The following CNTN4 variants were observed in gnomAD, a reference collection of about 807,000 sequenced individuals.
CNTN4 encodes contactin 4.
In CNTN4, 77 loss-of-function variants were observed where a neutral mutation model predicts 122.5. That is an observed-to-expected ratio of 0.63 (90% CI 0.52 to 0.76). The LOEUF (loss-of-function observed/expected upper bound fraction) is 0.76, where lower values mean the gene tolerates loss of function less well. Among genes scored for constraint, CNTN4 ranks in the 30% least tolerant of loss-of-function variants. The pLI is 0.00. For synonymous variants in CNTN4, 512 were observed against 447.0 expected (o/e 1.15, Z -1.83); for missense variants, 1,256 against 1,259.1 (o/e 1.00, Z 0.04).
chr3:2,183,561 T>G (rs1424684855), intron 2 of CNTN4, among the ~76,000 whole-genome samples: 1 of 152,168 alleles, frequency 6.6e-6, no homozygotes, highest in African/African-American at 2.4e-5. Context: ...ATAAGTAGAT[T>G]CATTGTTTAT....
chr3:2,679,710 C>T (rs1052391989), intron 4 of CNTN4, among the ~76,000 whole-genome samples: 23 of 152,150 alleles, frequency 1.5e-4, no homozygotes, highest in African/African-American at 7.2e-5. Flanking sequence ...GTTCCTTCTA[C>T]CCAATCTTTC....
intron 4 of CNTN4, among the ~76,000 whole-genome samples, chr3:2,639,459 T>C (rs2150104913): frequency 6.6e-6 from 1 of 152,312 alleles, no homozygotes; most frequent in East Asian, 1.9e-4. Flanking sequence ...ACCTATTTCC[T>C]ACTGCATCTT....
chr3:2,327,438 A>T (rs921802570), intron 2 of CNTN4, among the ~76,000 whole-genome samples: 1 of 152,184 alleles, frequency 6.6e-6, no homozygotes, highest in African/African-American at 2.4e-5. Context: ...TTGTAAACAC[A>T]TATGGATCTT....
intron 6 of CNTN4, among the ~76,000 whole-genome samples, chr3:2,816,848 T>C (rs143704636): frequency 0.064 from 8,764 of 137,716 alleles, 919 homozygotes; most frequent in African/African-American, 0.21. Flanking sequence ...AAAAAGAACT[T>C]ACCCATGTAA....
At chr3:2,928,905 T>C (rs2094496224) in intron 13 of CNTN4, among the ~76,000 whole-genome samples, 1 of 152,230 alleles carries the variant, frequency 6.6e-6, no homozygotes, top group South Asian at 2.1e-4. Context: ...GGATATAGAT[T>C]CAGAAACACT....
At chr3:2,200,554 A>G (rs1304399664) in intron 2 of CNTN4, among the ~76,000 whole-genome samples, 1 of 152,220 alleles carries the variant, frequency 6.6e-6, no homozygotes, top group Admixed American at 6.5e-5. Context: ...CCCCTTCAAC[A>G]AAGAATGATC....
chr3:2,542,888 T>G (rs1368529411), intron 3 of CNTN4, among the ~76,000 whole-genome samples: 1 of 152,234 alleles, frequency 6.6e-6, no homozygotes, highest in East Asian at 1.9e-4. Flanking sequence ...AGAAAACAAC[T>G]GATCATGCTT....
intron 3 of CNTN4, among the ~76,000 whole-genome samples, chr3:2,390,248 G>A (rs779608255): frequency 6.6e-6 from 1 of 151,122 alleles, no homozygotes; most frequent in Non-Finnish European, 1.5e-5. Flanking sequence ...GTGTGTGTGT[G>A]TGTACAGAGG....
intron 3 of CNTN4, among the ~76,000 whole-genome samples, chr3:2,499,002 C>G (rs1179856697): frequency 6.6e-6 from 1 of 152,078 alleles, no homozygotes; most frequent in Admixed American, 6.5e-5. Flanking sequence ...GTTGGCCAGG[C>G]TGATCTCGAA....
chr3:2,310,763 A>T (rs2042885381), intron 2 of CNTN4, among the ~76,000 whole-genome samples: 1 of 152,070 alleles, frequency 6.6e-6, no homozygotes, highest in African/African-American at 2.4e-5. Context: ...ACCCTCCACT[A>T]CCTAAAACTC....
intron 2 of CNTN4, among the ~76,000 whole-genome samples, chr3:2,312,830 T>G (rs1173133710): frequency 2.0e-5 from 3 of 152,100 alleles, no homozygotes; most frequent in East Asian, 3.9e-4. Context: ...TATGTTTCTG[T>G]GTGTTTGTGT....
rs78593649 is a variant in CNTN4 at position 2,506,280 on chromosome 3, G to A, written c.-88-65136G>A. Among the ~76,000 whole-genome samples the A allele has an allele frequency of 2.8e-3, 421 of 152,220 alleles. 5 individuals are homozygous for A. The highest frequency in any genetic ancestry group is 8.7e-3 in the African/African-American group (361 of 41,544). The stretch of plus-strand genomic sequence containing the variant: ...GAAAAGCCTCTGCTATCTACCTAGC[G>A]CCTACACGCCCTGGAGCCGACAAAA... On this transcript the variant is annotated intron_variant, in intron 3 of 24. Coordinates refer to ENST00000418658, the MANE Select transcript of CNTN4 (RefSeq NM_175607.3).
chr3:2,684,266 A>G (rs949696208), intron 4 of CNTN4, among the ~76,000 whole-genome samples: 4 of 152,184 alleles, frequency 2.6e-5, no homozygotes, highest in African/African-American at 9.6e-5. Context: ...AATGAATCCC[A>G]TTGAGGAAAA....
chr3:2,463,530 C>A (rs1032896283), intron 3 of CNTN4, among the ~76,000 whole-genome samples: 3 of 152,090 alleles, frequency 2.0e-5, no homozygotes, highest in Non-Finnish European at 4.4e-5. Flanking sequence ...GAGGCTGAGG[C>A]GGATGGATCA....
At position 2,206,967 on chromosome 3, in the gene CNTN4, C is replaced by T. The variant is rs143807339; in HGVS notation, c.-145+106328C>T. ...TGACATTTTTCCAACAGCATATGCTCACTTTGTGTCTCTTTGTAACATTTT... is the reference window on the plus strand; with the variant it reads ...TGACATTTTTCCAACAGCATATGCTTACTTTGTGTCTCTTTGTAACATTTT... On this transcript the variant is annotated intron_variant, in intron 2 of 24. Coordinates refer to ENST00000418658, the MANE Select transcript of CNTN4 (RefSeq NM_175607.3). Among the ~76,000 whole-genome samples, 336 of 151,622 alleles carry T rather than the reference C, an allele frequency of 2.2e-3. 2 individuals carry two copies. Among genetic ancestry groups the T allele is most frequent in the Middle Eastern group, 0.01 (3 of 294 alleles).
intron 4 of CNTN4, among the ~76,000 whole-genome samples, chr3:2,680,919 T>TTC (rs2085130447): frequency 6.6e-6 from 1 of 152,200 alleles, no homozygotes; most frequent in Non-Finnish European, 1.5e-5. Context: ...TTTCTAGATG[T>TTC]TCTACAGTTG....
intron 3 of CNTN4, among the ~76,000 whole-genome samples, chr3:2,368,233 C>T (rs13093020): frequency 0.37 from 55,086 of 150,404 alleles, 10,307 homozygotes; most frequent in Middle Eastern, 0.48. Context: ...GGGGTTTCAC[C>T]ATGTTAGCCA....
chr3:2,300,609 G>C (rs1019710348), intron 2 of CNTN4, among the ~76,000 whole-genome samples: 1 of 111,930 alleles, frequency 8.9e-6, no homozygotes, highest in African/African-American at 3.5e-5. Context: ...GTCTTGCTCT[G>C]TCTCCAGGCT....
At chr3:2,550,317 G>C (rs1281519422) in intron 3 of CNTN4, among the ~76,000 whole-genome samples, 2 of 152,122 alleles carry the variant, frequency 1.3e-5, no homozygotes, top group East Asian at 3.9e-4. Context: ...CTCAAAAGGA[G>C]ACATTTATGC....
Sources: gnomAD v4.1 joint callset for allele counts (sites outside exome capture counted in the v4.1 genomes callset) on GRCh38, gnomAD v4.1.1 for gene constraint, MANE v1.5 for transcripts, NCBI Gene and HGNC (gene_info 2026-07-23, HGNC 2026-07-21) for gene names.